GGPS1: variants seen among roughly 807,000 people sequenced by gnomAD.
GGPS1 encodes the protein geranylgeranyl diphosphate synthase 1.
GGPS1 carries 15 observed loss-of-function variants against 28.1 expected under a neutral mutation model. The ratio of observed to expected loss-of-function variants is 0.53; its 90% CI spans 0.36 to 0.82. The LOEUF is 0.82. Ranked by LOEUF, GGPS1 falls within the 40% of genes least tolerant of loss-of-function variation. The pLI, the probability that GGPS1 is intolerant of heterozygous loss-of-function variation, is 0.01. For synonymous variants in GGPS1, 138 were observed against 122.4 expected, an observed-to-expected ratio of 1.13 and a Z score of -0.84; for missense variants, 284 against 348.3, an observed-to-expected ratio of 0.82 and a Z score of 1.47.
In GGPS1 at chr1:235,344,185, T is replaced by G. The variant is rs1159458686; in HGVS notation, c.*1413T>G. 6.0e-6 allele frequency: 1 copy of G among 166,360 alleles called. No homozygotes were observed. Among genetic ancestry groups the G allele is most frequent in the Non-Finnish European group, 1.5e-5 (1 of 68,018 alleles). The allele number at this position is 166,360 out of a possible 1,614,324, so 10.3% of individuals were successfully genotyped here. A position where few individuals can be genotyped will look rare whatever the true frequency, so the allele number is the denominator to read the frequency against. ...AAAAAAAAAAAGCTGATTTCAATATTTGATTTGTTGACATCCCAAAATGAA... is the reference window on the plus strand; with the variant it reads ...AAAAAAAAAAAGCTGATTTCAATATGTGATTTGTTGACATCCCAAAATGAA... On this transcript the variant is annotated 3_prime_UTR_variant, in exon 4 of 4. Transcript: ENST00000282841.
At chr1:235,339,345 G>C (rs1675961926) in intron 2 of GGPS1, among the ~76,000 whole-genome samples, 1 of 152,058 alleles carries the variant, frequency 6.6e-6, no homozygotes, top group Non-Finnish European at 1.5e-5. Flanking sequence ...ACGCACACCT[G>C]TAATCCCAGC....
intron 2 of GGPS1, 52 bp downstream of exon 2, chr1:235,335,386 G>A (rs767799955): frequency 3.7e-6 from 3 of 809,124 alleles, no homozygotes; most frequent in Non-Finnish European, 6.2e-6. Flanking sequence ...AGTAGTGGTC[G>A]TTCAAATGTT....
intron 2 of GGPS1, among the ~76,000 whole-genome samples, chr1:235,337,881 C>T (rs1572271438): frequency 1.3e-5 from 2 of 150,914 alleles, no homozygotes; most frequent in East Asian, 3.9e-4. Context: ...ATTTCTCATA[C>T]TTGCTGTCAT....
At chr1:235,339,781 A>G (rs558586779) in intron 2 of GGPS1, among the ~76,000 whole-genome samples, 1 of 151,814 alleles carries the variant, frequency 6.6e-6, no homozygotes, top group African/African-American at 2.4e-5. Flanking sequence ...AAAAGAAAAC[A>G]GTATTTTAGT....
intron 2 of GGPS1, among the ~76,000 whole-genome samples, chr1:235,336,533 C>G (rs1375895150): frequency 6.6e-6 from 1 of 152,182 alleles, no homozygotes. Flanking sequence ...GTGGCCCACA[C>G]CTGTATTCCC....
intron 1 of GGPS1, among the ~76,000 whole-genome samples, chr1:235,334,773 T>C (rs1232031205): frequency 6.6e-6 from 1 of 152,192 alleles, no homozygotes; most frequent in Non-Finnish European, 1.5e-5. Flanking sequence ...GGAGTCACTC[T>C]TTCGCCCAGG....
chr1:235,337,440 C>G (rs2103345385), intron 2 of GGPS1, among the ~76,000 whole-genome samples: 2 of 152,184 alleles, frequency 1.3e-5, no homozygotes, highest in Admixed American at 1.3e-4. Flanking sequence ...CGTTCTTGAT[C>G]CATGATGGAA....
upstream of GGPS1, chr1:235,328,226 C>T (rs1320394278): frequency 6.8e-6 from 1 of 147,288 alleles, no homozygotes; most frequent in Non-Finnish European, 1.5e-5. Context: ...TTCTCCCCTC[C>T]CCTAGATTTT....
Position 235,342,791 on chromosome 1 carries a change from TG to T in GGPS1, c.*21del, listed in dbSNP as rs1254115511. On this transcript the variant is annotated 3_prime_UTR_variant, in exon 4 of 4. Coordinates refer to ENST00000282841, the MANE Select transcript of GGPS1 (RefSeq NM_004837.4). The stretch of plus-strand genomic sequence containing the variant: ...TGAATAATGTTAAGCCATTCTTGAT[TG>T]GACCTCATAGCTTATTTTAGTTAAT... 1.3e-6 allele frequency: 2 copies of T among 1,495,580 alleles called. No individual in the cohort carries two copies. Among genetic ancestry groups the T allele is most frequent in the African/African-American group, 2.8e-5 (2 of 71,216 alleles). 92.6% of individuals were successfully genotyped at this position (1,495,580 alleles called of 1,614,324 possible).
Position 235,342,598 on chromosome 1 carries a change from A to G in GGPS1, c.729A>G (p.Ile243Met), listed in dbSNP as rs752558384. Residue 243 changes from isoleucine to methionine, a missense_variant, in exon 4 of 4, where the codon ATA (isoleucine) becomes ATG (methionine). Coordinates refer to ENST00000282841, the MANE Select transcript of GGPS1 (RefSeq NM_004837.4). ...ILRQRTENID[I>M]KKYCVHYLED... The stretch of plus-strand genomic sequence containing the variant: ...GCCAGAGAACAGAAAACATAGATAT[A>G]AAAAAATACTGTGTACATTATCTTG... 3.9e-5 allele frequency: 62 copies of G among 1,608,898 alleles called. No homozygotes were observed. Among genetic ancestry groups the G allele is most frequent in the Non-Finnish European group, 5.2e-5 (61 of 1,175,372 alleles).
intron 1 of GGPS1, among the ~76,000 whole-genome samples, chr1:235,333,461 C>T (rs1157382935): frequency 2.0e-5 from 3 of 151,130 alleles, no homozygotes; most frequent in Non-Finnish European, 2.9e-5. Context: ...CCCTGCTATT[C>T]GGGAGGCTGA....
chr1:235,335,080 G>A (rs1675825516), intron 1 of GGPS1, among the ~76,000 whole-genome samples, 162 bp from the exon 2 acceptor site: 1 of 152,212 alleles, frequency 6.6e-6, no homozygotes, highest in Non-Finnish European at 1.5e-5. Flanking sequence ...CTCCCAAAGT[G>A]CTGGGATTAC....
intron 2 of GGPS1, among the ~76,000 whole-genome samples, chr1:235,337,560 C>T (rs1675906472): frequency 6.6e-6 from 1 of 152,020 alleles, no homozygotes; most frequent in African/African-American, 2.4e-5. Flanking sequence ...AGAGGTGTGC[C>T]AGGTCATTTA....
intron 1 of GGPS1, among the ~76,000 whole-genome samples, chr1:235,332,104 A>G (rs1329276337): frequency 6.6e-6 from 1 of 152,108 alleles, no homozygotes; most frequent in East Asian, 1.9e-4. Flanking sequence ...TATGGGGTGC[A>G]AGTGTAGTTT....
rs572291551 is a variant in GGPS1 at position 235,341,435 on chromosome 1, A to G, written c.71-273A>G. ...AATTGTTTATTCAAGTTCAGATGAA[A>G]AGAGTGGACTAGTAGGCAACTGAAG... On this transcript the variant is annotated intron_variant, in intron 2 of 3. Coordinates refer to ENST00000282841, the MANE Select transcript of GGPS1 (RefSeq NM_004837.4). 8.5e-4 allele frequency among the ~76,000 whole-genome samples: 129 copies of G among 152,306 alleles called. 1 individual carries two copies. The highest frequency in any genetic ancestry group is 1.4e-3 in the Non-Finnish European group (97 of 68,030).
At chr1:235,329,279 T>G (rs1675601254) in intron 1 of GGPS1, 1 of 152,284 alleles carries the variant, frequency 6.6e-6, no homozygotes, top group Admixed American at 6.5e-5. Flanking sequence ...GTGCCCTGGT[T>G]TCATCGTCTA....
At chr1:235,332,016 A>G (rs1675731649) in intron 1 of GGPS1, among the ~76,000 whole-genome samples, 1 of 152,222 alleles carries the variant, frequency 6.6e-6, no homozygotes, top group Admixed American at 6.5e-5. Flanking sequence ...ATTGTGCTGG[A>G]AAAGTGGAAT....
chr1:235,334,772 CT>C (rs1675817458), intron 1 of GGPS1, among the ~76,000 whole-genome samples: 1 of 152,260 alleles, frequency 6.6e-6, no homozygotes, highest in Non-Finnish European at 1.5e-5. Flanking sequence ...TGGAGTCACT[CT>C]TTCGCCCAGG....
intron 2 of GGPS1, among the ~76,000 whole-genome samples, chr1:235,339,917 A>C (rs527563878): frequency 6.6e-6 from 1 of 152,180 alleles, no homozygotes; most frequent in Non-Finnish European, 1.5e-5. Context: ...GTTTTTATCT[A>C]TCATTCCTTT....
Sources: allele counts gnomAD v4.1 joint callset (sites outside exome capture counted in the v4.1 genomes callset), GRCh38; gene constraint gnomAD v4.1.1; transcripts MANE v1.5; gene names NCBI Gene and HGNC (gene_info 2026-07-23, HGNC 2026-07-21).